ETV1: variants seen among roughly 807,000 people sequenced by gnomAD.
ETV1 encodes the protein ETS translocation variant 1.
In ETV1, 27 loss-of-function variants were observed where a neutral mutation model predicts 62.3. The observed-to-expected ratio is 0.43, with a 90% CI of 0.32 to 0.60. The LOEUF is 0.60. Ranked by LOEUF, ETV1 falls within the 20% of genes least tolerant of loss-of-function variation. The pLI is 0.06. For missense variants in ETV1, 605 were observed against 605.8 expected, an observed-to-expected ratio of 1.00 and a Z score of 0.01; for synonymous variants, 222 against 199.6, an observed-to-expected ratio of 1.11 and a Z score of -0.94.
chr7:13,952,356 G>C (rs144045507), intron 6 of ETV1, among the ~76,000 whole-genome samples: 2,657 of 152,264 alleles, frequency 0.017, 37 homozygotes, highest in Non-Finnish European at 0.026. Context: ...AAATGGCAAA[G>C]GTCTGGTACA....
At chr7:13,964,348 T>C (rs1392964082) in intron 6 of ETV1, among the ~76,000 whole-genome samples, 1 of 152,174 alleles carries the variant, frequency 6.6e-6, no homozygotes, top group Admixed American at 6.6e-5. Flanking sequence ...CAACAACTTT[T>C]GCTGGTAACT....
rs1426382837 is a variant in ETV1 at position 13,978,827 on chromosome 7, A to T, written c.182-1347T>A. ...GGCTGAATAAAATTTACGTTATATT[A>T]TGAAGAGCATAAGAATCTGATAATT... On this transcript the variant is annotated intron_variant, in intron 5 of 13. Transcript: ENST00000430479. 2.0e-5 allele frequency among the ~76,000 whole-genome samples: 3 copies of T among 152,096 alleles called. No individual in the cohort carries two copies. In the East Asian group the frequency reaches 5.8e-4, roughly 29 times the overall value.
chr7:13,956,842 TAA>T (rs922257795), intron 6 of ETV1, among the ~76,000 whole-genome samples: 8 of 152,194 alleles, frequency 5.3e-5, no homozygotes, highest in Non-Finnish European at 1.0e-4. Flanking sequence ...TATTGTCACA[TAA>T]ATTTCATTTA....
intron 9 of ETV1, among the ~76,000 whole-genome samples, chr7:13,927,817 A>G (rs1041206491): frequency 6.6e-6 from 1 of 152,238 alleles, no homozygotes; most frequent in Non-Finnish European, 1.5e-5. Flanking sequence ...AAATCCTGTC[A>G]GAAAGATACA....
intron 6 of ETV1, among the ~76,000 whole-genome samples, chr7:13,975,562 CA>C (rs765452116): frequency 0.015 from 622 of 41,162 alleles, 1 homozygote; most frequent in Non-Finnish European, 0.023. Context: ...GACTCTGTCT[CA>C]AAAAAAAAAA....
At chr7:13,910,447 C>A (rs1783449279) in intron 10 of ETV1, 1 of 300,278 alleles carries the variant, frequency 3.3e-6, no homozygotes, top group Non-Finnish European at 4.9e-6. Context: ...ACAGAAGCAA[C>A]AATAATTACA....
At chr7:13,956,185 T>C (rs188411011) in intron 6 of ETV1, among the ~76,000 whole-genome samples, 17 of 152,312 alleles carry the variant, frequency 1.1e-4, no homozygotes, top group African/African-American at 3.8e-4. Flanking sequence ...ACTAATTACA[T>C]ACACTTGTAA....
In ETV1 at chr7:13,926,022, G is replaced by C. The variant is rs374089621; in HGVS notation, c.802+5480C>G. 3.3e-5 allele frequency among the ~76,000 whole-genome samples: 5 copies of C among 152,140 alleles called. No homozygotes were observed. In the South Asian group the frequency reaches 1.0e-3, roughly 32 times the overall value. ...CTGTACTGGCTCTTAATTTGCATGA[G>C]TTATGCCTTGCATACTTTTAAAAAC... On this transcript the variant is annotated intron_variant, in intron 9 of 13. Transcript: ENST00000430479.
At position 13,966,658 on chromosome 7, in the gene ETV1, C is replaced by CA. The variant is rs1351066303; in HGVS notation, c.235+10768dup. 7.9e-5 allele frequency among the ~76,000 whole-genome samples: 12 copies of CA among 151,984 alleles called. No individual in the cohort carries two copies. The East Asian group carries it at 2.3e-3, about 29-fold the overall frequency. ...TGAGACCCTGTCTCAAAAACAAAAA[C>CA]AAACAAACAAACAAAAAAACCTAAA... On this transcript the variant is annotated intron_variant, in intron 6 of 13. Transcript: ENST00000430479.
intron 9 of ETV1, among the ~76,000 whole-genome samples, chr7:13,927,539 C>T (rs1360132651): frequency 2.6e-5 from 4 of 152,146 alleles, no homozygotes; most frequent in African/African-American, 9.7e-5. Flanking sequence ...GCTATTTGTT[C>T]AACACCAATA....
intron 12 of ETV1, among the ~76,000 whole-genome samples, chr7:13,903,327 A>G (rs907554074): frequency 6.6e-6 from 1 of 152,188 alleles, no homozygotes; most frequent in Non-Finnish European, 1.5e-5. Context: ...TTAAAATATC[A>G]CGCTTGAATA....
chr7:13,942,085 G>A (rs1349383453), intron 6 of ETV1, among the ~76,000 whole-genome samples: 6 of 143,018 alleles, frequency 4.2e-5, no homozygotes, highest in East Asian at 2.1e-4. Flanking sequence ...GTGCAGTGGC[G>A]CGATCTCGGC....
chr7:13,957,171 C>T (rs28541766), intron 6 of ETV1, among the ~76,000 whole-genome samples: 4,796 of 152,048 alleles, frequency 0.032, 239 homozygotes, highest in African/African-American at 0.1. Context: ...CTCCAAGTTC[C>T]GCCTCCCAGG....
At chr7:13,931,297 A>G (rs553745327) in intron 9 of ETV1, among the ~76,000 whole-genome samples, 5 of 152,330 alleles carry the variant, frequency 3.3e-5, no homozygotes, top group African/African-American at 1.2e-4. Context: ...TTGTTTCCAG[A>G]CACTATTTCA....
rs183056223 is a variant in ETV1 at position 13,982,893 on chromosome 7, T to C, written c.181+3745A>G. Reference sequence around the variant, plus strand: ...TGTATATTGTGGATGACATTACACATAGTAAGTAACAATAGCACATATTAC... The same window carrying C: ...TGTATATTGTGGATGACATTACACACAGTAAGTAACAATAGCACATATTAC... On this transcript the variant is annotated intron_variant, in intron 5 of 13. Coordinates refer to ENST00000430479, the MANE Select transcript of ETV1 (RefSeq NM_004956.5). Among the ~76,000 whole-genome samples, 249 of 152,068 alleles carry C rather than the reference T, an allele frequency of 1.6e-3. 3 individuals carry two copies. The highest frequency in any genetic ancestry group is 8.9e-3 in the Admixed American group (135 of 15,242).
chr7:13,950,756 C>T (rs982416293), intron 6 of ETV1, among the ~76,000 whole-genome samples: 4 of 152,036 alleles, frequency 2.6e-5, no homozygotes, highest in African/African-American at 9.7e-5. Flanking sequence ...AGGTCACTTT[C>T]CCCCAGCCCT....
intron 6 of ETV1, among the ~76,000 whole-genome samples, chr7:13,949,716 C>G (rs1322445295): frequency 6.6e-6 from 1 of 152,122 alleles, no homozygotes; most frequent in African/African-American, 2.4e-5. Flanking sequence ...TGTGACAAAA[C>G]AAGCGATAAC....
upstream of ETV1, chr7:13,991,418 C>T (rs1279473643): frequency 6.6e-6 from 1 of 152,204 alleles, no homozygotes; most frequent in East Asian, 1.9e-4. Flanking sequence ...TTCCCGCAGC[C>T]AATAACGAGC....
At chr7:13,896,693 A>AGAGAAAGAAAGAAAG (rs1781817951) in intron 13 of ETV1, among the ~76,000 whole-genome samples, 2 of 139,384 alleles carry the variant, frequency 1.4e-5, no homozygotes, top group African/African-American at 5.5e-5. Context: ...GAAAGAAAAG[A>AGAGAAAGAAAGAAAG]GAGAGAGAAA....
Sources: allele counts gnomAD v4.1 joint callset (sites outside exome capture counted in the v4.1 genomes callset), GRCh38; gene constraint gnomAD v4.1.1; transcripts MANE v1.5; gene names NCBI Gene and HGNC (gene_info 2026-07-23, HGNC 2026-07-21).